WDPCP: variants seen among roughly 807,000 people sequenced by gnomAD.
WDPCP encodes the protein WD repeat containing planar cell polarity effector.
WDPCP carries 71 observed loss-of-function variants against 93.1 expected under a neutral mutation model. That is an observed-to-expected ratio of 0.76 (90% CI 0.63 to 0.93). WDPCP has a LOEUF of 0.93. Ranked by LOEUF, WDPCP falls within the 40% of genes least tolerant of loss-of-function variation. The pLI, the probability that WDPCP is intolerant of heterozygous loss-of-function variation, is 0.00. For synonymous variants in WDPCP, 315 were observed against 315.0 expected (o/e 1.00, Z 0.00); for missense variants, 844 against 887.4 (o/e 0.95, Z 0.62).
At chr2:63,554,950 C>G (rs1705971027) in intron 1 of WDPCP, among the ~76,000 whole-genome samples, 1 of 152,174 alleles carries the variant, frequency 6.6e-6, no homozygotes, top group Admixed American at 6.5e-5. Flanking sequence ...GCCCAAGAAA[C>G]CACACTTTTT....
chr2:63,130,448 C>G (rs1240898646), intron 17 of WDPCP, among the ~76,000 whole-genome samples: 1 of 151,988 alleles, frequency 6.6e-6, no homozygotes, highest in African/African-American at 2.4e-5. Context: ...TTTAGGTTCT[C>G]GATTCTGTTC....
chr2:63,417,785 T>C (rs1022885049), intron 9 of WDPCP, among the ~76,000 whole-genome samples: 10 of 148,644 alleles, frequency 6.7e-5, no homozygotes, highest in Non-Finnish European at 4.5e-5. Flanking sequence ...ATTATAGTAA[T>C]ATTTTTAATT....
At chr2:63,632,098 T>C (rs1174578361) in intron 3 of WDPCP, among the ~76,000 whole-genome samples, 1 of 152,210 alleles carries the variant, frequency 6.6e-6, no homozygotes, top group Non-Finnish European at 1.5e-5. Flanking sequence ...GCACAGATAT[T>C]ACACCACTGT....
At chr2:63,456,564 A>G (rs761606798) in intron 6 of WDPCP, among the ~76,000 whole-genome samples, 8 of 152,172 alleles carry the variant, frequency 5.3e-5, no homozygotes, top group South Asian at 2.1e-4. Flanking sequence ...AAAAAAACAG[A>G]AAGATTTCAA....
chr2:63,550,686 TACATAC>T (rs919598415), intron 1 of WDPCP, among the ~76,000 whole-genome samples: 8 of 151,744 alleles, frequency 5.3e-5, no homozygotes, highest in African/African-American at 1.7e-4. Context: ...TATATATATA[TACATAC>T]ACATACATAT....
At chr2:63,207,818 A>AT (rs1393966145) in intron 14 of WDPCP, among the ~76,000 whole-genome samples, 3 of 151,918 alleles carry the variant, frequency 2.0e-5, no homozygotes, top group African/African-American at 7.3e-5. Context: ...ATTCTGCTGT[A>AT]TTGCGTTGGT....
chr2:63,364,774 G>A (rs934046425), intron 12 of WDPCP, among the ~76,000 whole-genome samples: 2 of 152,110 alleles, frequency 1.3e-5, no homozygotes, highest in Non-Finnish European at 2.9e-5. Flanking sequence ...TATTACAAAT[G>A]GAACTCTTCT....
chr2:63,594,268 G>A, intron 3 of WDPCP: 1 of 641,122 alleles, frequency 1.6e-6, no homozygotes, highest in South Asian at 1.4e-5. Context: ...GATTATGTAA[G>A]TAAATCCAGG....
intron 12 of WDPCP, among the ~76,000 whole-genome samples, chr2:63,348,043 T>G (rs978142790): frequency 3.3e-5 from 5 of 152,104 alleles, no homozygotes; most frequent in African/African-American, 1.2e-4. Context: ...CTTAAGAAAC[T>G]CAGTCTAGTA....
At chr2:63,266,201 A>G (rs991874221) in intron 13 of WDPCP, among the ~76,000 whole-genome samples, 2 of 152,240 alleles carry the variant, frequency 1.3e-5, no homozygotes, top group African/African-American at 4.8e-5. Flanking sequence ...CTTATAGGAA[A>G]GGAAGGTGTG....
chr2:63,693,522 G>A (rs1355874774), intron 2 of WDPCP, among the ~76,000 whole-genome samples: 7 of 151,998 alleles, frequency 4.6e-5, no homozygotes, highest in Admixed American at 1.3e-4. Context: ...AATGGAGCTA[G>A]GCCTGAACAG....
At chr2:63,642,463 C>CTTTTTTTTTTT (rs375872361) in intron 3 of WDPCP, 1 of 144,104 alleles carries the variant, frequency 6.9e-6, no homozygotes. Flanking sequence ...TCTTTTCTTT[C>CTTTTTTTTTTT]TTTTTTTTTT....
At chr2:63,293,234 T>G (rs190704234) in intron 13 of WDPCP, among the ~76,000 whole-genome samples, 47 of 152,318 alleles carry the variant, frequency 3.1e-4, no homozygotes, top group African/African-American at 1.1e-3. Context: ...GAAATGCAAC[T>G]GCATATATGG....
intron 12 of WDPCP, among the ~76,000 whole-genome samples, chr2:63,326,324 T>C (rs67638907): frequency 0.17 from 25,510 of 152,124 alleles, 2,353 homozygotes; most frequent in Middle Eastern, 0.25. Context: ...TGGCTAATCC[T>C]GACCTTAACC....
intron 14 of WDPCP, among the ~76,000 whole-genome samples, chr2:63,247,595 G>A (rs1038083362): frequency 1.1e-4 from 17 of 151,000 alleles, no homozygotes; most frequent in African/African-American, 4.1e-4. Context: ...TTCAGGCTAT[G>A]TGTGTAAGGT....
Position 63,259,337 on chromosome 2 carries a change from T to C in WDPCP, c.1885A>G (p.Ile629Val), listed in dbSNP as rs1176534509. 3 of 1,612,924 alleles carry C rather than the reference T, an allele frequency of 1.9e-6. No individual in the cohort carries two copies. Among genetic ancestry groups the C allele is most frequent in the East Asian group, 2.2e-5 (1 of 44,764 alleles). ...AEVARKRASD[I>V]DAESITSGVE... ...CCAGAGGTTATTGATTCTGCATCAA[T>C]GTCACTAGCTCTTTTTCTTGCCACT... The change falls in exon 14 of 18, where the codon ATT (isoleucine) becomes GTT (valine). Residue 629 changes from isoleucine (I) to valine (V), a missense_variant. Ile to Val is a conservative substitution (Grantham distance 29). Transcript: ENST00000272321.
rs142077801 is a variant in WDPCP at position 63,582,689 on chromosome 2, C to A, written c.75+5508G>T. On this transcript the variant is annotated intron_variant, in intron 1 of 17. Coordinates refer to ENST00000272321, the MANE Select transcript of WDPCP (RefSeq NM_015910.7). ...AAAAGCAGCCAGAGAAAAACAGACA[C>A]TTAAGTACAAATACAGAAAGATAAA... Among the ~76,000 whole-genome samples the A allele has an allele frequency of 2.4e-3, 362 of 152,014 alleles. 2 individuals carry two copies. Among genetic ancestry groups the A allele is most frequent in the African/African-American group, 8.3e-3 (345 of 41,484 alleles).
At chr2:63,372,812 A>G (rs542523736) in intron 12 of WDPCP, among the ~76,000 whole-genome samples, 156 of 152,234 alleles carry the variant, frequency 1.0e-3, no homozygotes, top group Non-Finnish European at 1.5e-3. Flanking sequence ...ATTTTGCTTT[A>G]AAGACTATTT....
chr2:63,248,379 C>T (rs183539814), intron 14 of WDPCP, among the ~76,000 whole-genome samples: 148 of 152,218 alleles, frequency 9.7e-4, no homozygotes, highest in Middle Eastern at 3.4e-3. Context: ...CTTGCAGATT[C>T]TCTTTCAACA....
Sources: allele counts gnomAD v4.1 joint callset (sites outside exome capture counted in the v4.1 genomes callset), GRCh38; gene constraint gnomAD v4.1.1; transcripts MANE v1.5; gene names NCBI Gene and HGNC (gene_info 2026-07-23, HGNC 2026-07-21).